Variants in CBFA2T3 observed in about 807,000 individuals in gnomAD.
The protein encoded by CBFA2T3 is CBFA2/RUNX1 partner transcriptional co-repressor 3.
CBFA2T3 carries 31 observed loss-of-function variants against 58.6 expected under a neutral mutation model. That is an observed-to-expected ratio of 0.53 (90% CI 0.40 to 0.71). The LOEUF (loss-of-function observed/expected upper bound fraction) is 0.71, where lower values mean the gene tolerates loss of function less well. CBFA2T3 is among the 30% of genes least tolerant of loss of function. The pLI is 0.00. For missense variants in CBFA2T3, 1,076 were observed against 963.1 expected (o/e 1.12, Z -1.55); for synonymous variants, 531 against 421.9 (o/e 1.26, Z -3.17).
rs1334394575 is a variant in CBFA2T3 at position 88,933,150 on chromosome 16, C to T, written c.152-31494G>A. On this transcript the variant is annotated intron_variant, in intron 1 of 11. Transcript: ENST00000268679. ...CAGCCTTCTCTCCTTTCCAGACAGG[C>T]TTTGCCCTGTGGCCCCGGCCCTGCC... Among the ~76,000 whole-genome samples, 3 of 152,358 alleles carry T rather than the reference C, an allele frequency of 2.0e-5. No individual in the cohort carries two copies. In the East Asian group the frequency reaches 5.8e-4, roughly 29 times the overall value.
intron 2 of CBFA2T3, among the ~76,000 whole-genome samples, chr16:88,900,192 G>A (rs1415240569): frequency 1.3e-5 from 2 of 152,256 alleles, no homozygotes; most frequent in African/African-American, 2.4e-5. Flanking sequence ...CCGTTAGGCT[G>A]TTTGGCTCCT....
intron 1 of CBFA2T3, among the ~76,000 whole-genome samples, chr16:88,974,250 C>G (rs1294158078): frequency 6.6e-6 from 1 of 152,202 alleles, no homozygotes; most frequent in East Asian, 1.9e-4. Flanking sequence ...GCCTGCACAG[C>G]TCCGAGCACA....
intron 1 of CBFA2T3, among the ~76,000 whole-genome samples, chr16:88,929,702 C>T (rs187294335): frequency 0.013 from 1,983 of 149,390 alleles, 61 homozygotes; most frequent in East Asian, 0.12. Flanking sequence ...GCGTGGTCCA[C>T]GCAAAAACTA....
At chr16:88,966,020 G>A (rs1972492056) in intron 1 of CBFA2T3, among the ~76,000 whole-genome samples, 1 of 152,218 alleles carries the variant, frequency 6.6e-6, no homozygotes, top group Admixed American at 6.5e-5. Flanking sequence ...AGACCCCACA[G>A]AGCATGGGTG....
intron 1 of CBFA2T3, among the ~76,000 whole-genome samples, chr16:88,907,461 GCT>G (rs1017959029): frequency 6.6e-6 from 1 of 152,230 alleles, no homozygotes; most frequent in Admixed American, 6.5e-5. Flanking sequence ...GACGAGAAGG[GCT>G]CTGACGCCCG....
intron 1 of CBFA2T3, chr16:88,951,492 C>T (rs1026511910): frequency 4.9e-5 from 18 of 369,850 alleles, no homozygotes; most frequent in Non-Finnish European, 7.9e-5. Flanking sequence ...TTCATCTTTG[C>T]TTTTTTAAAT....
At chr16:88,944,561 AG>A (rs1971854836) in intron 1 of CBFA2T3, among the ~76,000 whole-genome samples, 1 of 152,104 alleles carries the variant, frequency 6.6e-6, no homozygotes, top group East Asian at 1.9e-4. Flanking sequence ...TGCTGCCCTC[AG>A]GAAAACAACT....
At chr16:88,884,815 G>C in intron 7 of CBFA2T3, 1 of 463,384 alleles carries the variant, frequency 2.2e-6, no homozygotes, top group South Asian at 3.5e-5. Context: ...GGCAGTTCCA[G>C]GCCCGAGGCC....
At chr16:88,898,826 C>T (rs971001795) in intron 2 of CBFA2T3, among the ~76,000 whole-genome samples, 15 of 152,148 alleles carry the variant, frequency 9.9e-5, no homozygotes, top group Non-Finnish European at 1.0e-4. Flanking sequence ...AGTTCAAGAC[C>T]AGCCTGGGCG....
At chr16:88,904,417 G>C (rs1970224535) in intron 1 of CBFA2T3, among the ~76,000 whole-genome samples, 1 of 152,208 alleles carries the variant, frequency 6.6e-6, no homozygotes, top group Admixed American at 6.5e-5. Context: ...CACACCGCGA[G>C]TGTGCTGCGG....
At chr16:88,976,546 G>T in intron 1 of CBFA2T3, 111 bp downstream of exon 1, 1 of 784,374 alleles carries the variant, frequency 1.3e-6, no homozygotes, top group Non-Finnish European at 2.0e-6. Context: ...CATCCGTGCC[G>T]GCACTGTCAA....
At chr16:88,948,561 G>A (rs865996596) in intron 1 of CBFA2T3, among the ~76,000 whole-genome samples, 1 of 152,214 alleles carries the variant, frequency 6.6e-6, no homozygotes, top group African/African-American at 2.4e-5. Context: ...AGGGAGTCCG[G>A]GCTCCGGACA....
In CBFA2T3 at chr16:88,876,909, T is replaced by A; in HGVS notation, c.*67A>T. ...CAGGCATCGGAGGCCAGGCACAGCA[T>A]CCGGTGGGCCTGGAGCTGGGTGGGG... On this transcript the variant is annotated 3_prime_UTR_variant, in exon 12 of 12. Transcript: ENST00000268679. 8.1e-7 allele frequency: 1 copy of A among 1,236,338 alleles called. No homozygotes were observed. Among genetic ancestry groups the A allele is most frequent in the Non-Finnish European group, 1.1e-6 (1 of 942,660 alleles). The allele number at this position is 1,236,338 out of a possible 1,614,324, so 76.6% of individuals were successfully genotyped here. A position where few individuals can be genotyped will look rare whatever the true frequency, so the allele number is the denominator to read the frequency against.
rs1205057358 is a variant in CBFA2T3 at position 88,977,003 on chromosome 16, G to T, written c.-196C>A. The T allele has an allele frequency of 7.2e-6, 4 of 558,712 alleles. No individual in the cohort carries two copies. The highest frequency in any genetic ancestry group is 1.2e-5 in the Non-Finnish European group (4 of 326,014). 34.6% of individuals were successfully genotyped at this position (558,712 alleles called of 1,614,324 possible). On this transcript the variant is annotated 5_prime_UTR_variant, in exon 1 of 12. Transcript: ENST00000268679. ...GGGTGTCCTCTGCCCTGGGGAGGGG[G>T]TGGGAGCCCTGGGGCTCATGTGACG...
At position 88,909,291 on chromosome 16, in the gene CBFA2T3, C is replaced by A. The variant is rs573353773; in HGVS notation, c.152-7635G>T. 2.4e-3 allele frequency among the ~76,000 whole-genome samples: 373 copies of A among 152,342 alleles called. 2 individuals carry two copies. Among genetic ancestry groups the A allele is most frequent in the African/African-American group, 8.7e-3 (361 of 41,574 alleles). On this transcript the variant is annotated intron_variant, in intron 1 of 11. Coordinates refer to ENST00000268679, the MANE Select transcript of CBFA2T3 (RefSeq NM_005187.6). ...GAACAGTGCTGTGCCTCAGTTGGCC[C>A]CTCCATAAAAGTGCAGAATTAAGGG...
chr16:88,896,541 G>A (rs1969894305), intron 3 of CBFA2T3, among the ~76,000 whole-genome samples: 2 of 152,166 alleles, frequency 1.3e-5, no homozygotes, highest in South Asian at 2.1e-4. Flanking sequence ...CCGCGCTGCC[G>A]AGTTTCCCTC....
chr16:88,924,211 G>A (rs1406160627), intron 1 of CBFA2T3, among the ~76,000 whole-genome samples: 3 of 152,186 alleles, frequency 2.0e-5, no homozygotes, highest in Non-Finnish European at 4.4e-5. Flanking sequence ...GTCCCAGTGA[G>A]CCTGAGTGAA....
intron 5 of CBFA2T3, among the ~76,000 whole-genome samples, chr16:88,889,616 A>G (rs901524859): frequency 6.6e-6 from 1 of 152,018 alleles, no homozygotes; most frequent in Non-Finnish European, 1.5e-5. Flanking sequence ...GTTAATCAGG[A>G]ACATGGCAGT....
chr16:88,948,909 G>A (rs182595984), intron 1 of CBFA2T3, among the ~76,000 whole-genome samples: 44 of 152,330 alleles, frequency 2.9e-4, no homozygotes, highest in South Asian at 1.4e-3. Context: ...AGGAAAAGCA[G>A]CCGGTGCTCG....
Sources: allele counts gnomAD v4.1 joint callset (sites outside exome capture counted in the v4.1 genomes callset), GRCh38; gene constraint gnomAD v4.1.1; transcripts MANE v1.5; gene names NCBI Gene and HGNC (gene_info 2026-07-23, HGNC 2026-07-21).